Variants in FOXP1 observed in about 807,000 individuals in gnomAD.
FOXP1 encodes the protein forkhead box protein P1.
FOXP1 carries 15 observed loss-of-function variants against 98.2 expected under a neutral mutation model. That is an observed-to-expected ratio of 0.15 (90% confidence interval 0.10 to 0.24). The LOEUF (loss-of-function observed/expected upper bound fraction) is 0.24. Among genes scored for constraint, FOXP1 ranks in the 10% least tolerant of loss-of-function variants. The pLI is 1.00. For synonymous variants in FOXP1, 371 were observed against 314.5 expected (o/e 1.18, Z -1.90); for missense variants, 633 against 848.5 (o/e 0.75, Z 3.15).
chr3:70,960,203 A>G (rs534847992), intron 20 of FOXP1, among the ~76,000 whole-genome samples: 2 of 152,356 alleles, frequency 1.3e-5, no homozygotes, highest in African/African-American at 2.4e-5. Context: ...CAAACTGTCA[A>G]TAAGGCAAGA....
At chr3:71,547,677 A>G (rs1417361299) in intron 2 of FOXP1, among the ~76,000 whole-genome samples, 1 of 152,236 alleles carries the variant, frequency 6.6e-6, no homozygotes, top group Non-Finnish European at 1.5e-5. Flanking sequence ...GTAGAGAATT[A>G]GTCCTGGCAC....
chr3:71,385,782 C>T (rs978528227), intron 3 of FOXP1, among the ~76,000 whole-genome samples: 1 of 152,076 alleles, frequency 6.6e-6, no homozygotes, highest in African/African-American at 2.4e-5. Flanking sequence ...TGATTTATAT[C>T]GTGGTCTCCT....
In FOXP1 at chr3:71,144,600, G is replaced by C. The variant is rs74808342; in HGVS notation, c.181-31963C>G. 2.6e-3 allele frequency among the ~76,000 whole-genome samples: 396 copies of C among 152,314 alleles called. 10 individuals are homozygous for C. The East Asian group carries it at 0.065, about 25-fold the overall frequency. On this transcript the variant is annotated intron_variant, in intron 6 of 20. Coordinates refer to ENST00000649528, the MANE Select transcript of FOXP1 (RefSeq NM_001349338.3). Reference sequence around the variant, plus strand: ...CTAGAAAATAAAAATGACCACAAGTGTTCGGGACCTGACAGAACGGGCGAG... The same window carrying C: ...CTAGAAAATAAAAATGACCACAAGTCTTCGGGACCTGACAGAACGGGCGAG...
intron 6 of FOXP1, chr3:71,130,471 A>G: frequency 6.3e-7 from 1 of 1,596,474 alleles, no homozygotes; most frequent in Non-Finnish European, 8.5e-7. Context: ...CCAGCAAAAA[A>G]ATGTTTCTTT....
chr3:71,184,249 TG>T (rs1367581076), intron 6 of FOXP1, among the ~76,000 whole-genome samples: 2 of 152,210 alleles, frequency 1.3e-5, no homozygotes, highest in Non-Finnish European at 2.9e-5. Flanking sequence ...TCAGTAAAAT[TG>T]TATCCCTGAT....
intron 6 of FOXP1, among the ~76,000 whole-genome samples, chr3:71,118,861 A>G (rs1222963362): frequency 1.3e-5 from 2 of 152,218 alleles, no homozygotes; most frequent in Non-Finnish European, 2.9e-5. Context: ...CTTATATATA[A>G]TCTATGGCTA....
intron 4 of FOXP1, among the ~76,000 whole-genome samples, chr3:71,345,873 A>T (rs866302630): frequency 0.011 from 337 of 31,984 alleles, 2 homozygotes; most frequent in African/African-American, 0.041. Flanking sequence ...AGTTTTTGTA[A>T]AAAAAAAAAA....
At chr3:70,960,413 G>T (rs1457314664) in intron 20 of FOXP1, among the ~76,000 whole-genome samples, 1 of 152,168 alleles carries the variant, frequency 6.6e-6, no homozygotes, top group African/African-American at 2.4e-5. Flanking sequence ...ACCAGCGCAT[G>T]GTTCACCCAA....
intron 2 of FOXP1, chr3:71,542,060 A>G (rs1214878057): frequency 1.9e-6 from 1 of 531,448 alleles, no homozygotes; most frequent in Non-Finnish European, 3.9e-6. Flanking sequence ...GTCTGTATAG[A>G]AAACATTAAA....
intron 4 of FOXP1, among the ~76,000 whole-genome samples, chr3:71,358,385 C>T (rs1022079658): frequency 3.3e-5 from 5 of 152,144 alleles, no homozygotes; most frequent in Non-Finnish European, 5.9e-5. Context: ...AGAGAGCTTT[C>T]CCCCACACTC....
intron 3 of FOXP1, among the ~76,000 whole-genome samples, chr3:71,377,267 C>T (rs1017847472): frequency 5.9e-5 from 9 of 152,236 alleles, no homozygotes; most frequent in African/African-American, 1.4e-4. Flanking sequence ...ATGTTTAAAG[C>T]GCTGTTTACT....
chr3:71,200,148 T>C (rs1295090077), intron 5 of FOXP1, among the ~76,000 whole-genome samples: 1 of 145,554 alleles, frequency 6.9e-6, no homozygotes, highest in Non-Finnish European at 1.5e-5. Context: ...TCACATTCAC[T>C]CTTATTACTC....
At chr3:71,395,101 A>T (rs1363382912) in intron 3 of FOXP1, among the ~76,000 whole-genome samples, 2 of 16,602 alleles carry the variant, frequency 1.2e-4, no homozygotes, top group Non-Finnish European at 4.8e-4. Context: ...ACCCCGTCAC[A>T]AAAAAAAAAA....
intron 6 of FOXP1, among the ~76,000 whole-genome samples, chr3:71,167,978 C>T (rs1373935324): frequency 6.6e-6 from 1 of 152,098 alleles, no homozygotes; most frequent in African/African-American, 2.4e-5. Flanking sequence ...CAGTAAACAG[C>T]CTTAAGTTAT....
intron 3 of FOXP1, among the ~76,000 whole-genome samples, chr3:71,421,884 T>C (rs971885956): frequency 1.3e-5 from 2 of 152,260 alleles, no homozygotes; most frequent in African/African-American, 4.8e-5. Context: ...TCTGAACTGC[T>C]GATGGAGCAC....
intron 5 of FOXP1, among the ~76,000 whole-genome samples, chr3:71,246,000 C>G (rs2067710407): frequency 1.8e-5 from 1 of 54,774 alleles, no homozygotes; most frequent in Non-Finnish European, 3.5e-5. Context: ...CGAAAACCAC[C>G]CCCCCCCCAC....
chr3:71,215,257 A>C (rs1300914578), intron 5 of FOXP1, among the ~76,000 whole-genome samples: 2 of 152,132 alleles, frequency 1.3e-5, no homozygotes, highest in African/African-American at 2.4e-5. Context: ...ATCTGATTTC[A>C]CTCGTCCTTC....
rs577637477 is a variant in FOXP1, at chr3:71,050,049, G to C, written c.510+2488C>G. On this transcript the variant is annotated intron_variant, in intron 9 of 20. Coordinates refer to ENST00000649528, the MANE Select transcript of FOXP1 (RefSeq NM_001349338.3). The stretch of plus-strand genomic sequence containing the variant: ...GGACCACAGCAAACCTAGCGACCTG[G>C]AGATGCAAGAATGTTCCTACAATGT... Among the ~76,000 whole-genome samples the C allele has an allele frequency of 2.0e-5, 3 of 152,212 alleles. No homozygotes were observed. The South Asian group carries it at 6.2e-4, about 32-fold the overall frequency.
intron 7 of FOXP1, among the ~76,000 whole-genome samples, chr3:71,057,307 T>A (rs1254679883): frequency 3.6e-4 from 45 of 123,978 alleles, no homozygotes; most frequent in Non-Finnish European, 5.5e-4. Context: ...TTTTTTTTTT[T>A]TTTTTTTTTT....
Sources: allele counts gnomAD v4.1 joint callset (sites outside exome capture counted in the v4.1 genomes callset), GRCh38; gene constraint gnomAD v4.1.1; transcripts MANE v1.5; gene names NCBI Gene and HGNC (gene_info 2026-07-23, HGNC 2026-07-21).